Variants in ARHGAP10 observed in about 807,000 individuals in gnomAD.
The protein encoded by ARHGAP10 is rho GTPase-activating protein 10.
In ARHGAP10, 87 loss-of-function variants were observed where a neutral mutation model predicts 108.6. The observed-to-expected ratio is 0.80, with a 90% confidence interval of 0.67 to 0.96. The LOEUF (loss-of-function observed/expected upper bound fraction) is 0.96. ARHGAP10 is among the 40% of genes least tolerant of loss of function. The pLI is 0.00. For synonymous variants in ARHGAP10, 347 were observed against 341.1 expected, an observed-to-expected ratio of 1.02 and a Z score of -0.19; for missense variants, 939 against 954.5, an observed-to-expected ratio of 0.98 and a Z score of 0.21.
At chr4:148,059,864 A>G (rs1729527254) in intron 20 of ARHGAP10, among the ~76,000 whole-genome samples, 1 of 152,188 alleles carries the variant, frequency 6.6e-6, no homozygotes, top group Non-Finnish European at 1.5e-5. Context: ...CCTGAGTTCC[A>G]GTTCCTACAA....
chr4:147,977,097 G>C (rs78687125), intron 18 of ARHGAP10, among the ~76,000 whole-genome samples: 2,584 of 152,344 alleles, frequency 0.017, 51 homozygotes, highest in South Asian at 0.083. Flanking sequence ...GAGATGCGGA[G>C]CTGCAAAGAG....
At chr4:147,870,619 T>C (rs1161125865) in intron 7 of ARHGAP10, among the ~76,000 whole-genome samples, 2 of 151,350 alleles carry the variant, frequency 1.3e-5, no homozygotes, top group Non-Finnish European at 2.9e-5. Context: ...GAGTAATAAA[T>C]GGAAATCAAG....
At chr4:147,955,093 A>G (rs890016174) in intron 15 of ARHGAP10, among the ~76,000 whole-genome samples, 1 of 152,122 alleles carries the variant, frequency 6.6e-6, no homozygotes, top group Admixed American at 6.6e-5. Flanking sequence ...GCTTAGGTCT[A>G]GTAGGGATTT....
At chr4:148,032,456 G>T (rs1372898590) in intron 19 of ARHGAP10, among the ~76,000 whole-genome samples, 1 of 149,852 alleles carries the variant, frequency 6.7e-6, no homozygotes. Flanking sequence ...TCAGTTATTA[G>T]CAAGTCTGTA....
At chr4:147,850,430 A>C (rs1733824954) in intron 4 of ARHGAP10, among the ~76,000 whole-genome samples, 2 of 152,322 alleles carry the variant, frequency 1.3e-5, no homozygotes, top group Admixed American at 6.5e-5. Context: ...ATGAGCTGTA[A>C]CACTCACCAC....
rs17023761 is a variant in ARHGAP10, at chr4:147,757,902, C to T, written c.154+25447C>T. Among the ~76,000 whole-genome samples the T allele has an allele frequency of 9.6e-3, 1,461 of 152,216 alleles. 32 individuals are homozygous for T. Among genetic ancestry groups the T allele is most frequent in the African/African-American group, 0.033 (1,373 of 41,520 alleles). Reference sequence around the variant, plus strand: ...ACCTGTGATACAGAACAGGTGTGCCCGAGACTGCTACCTCACCAGGGCCAG... The same window carrying T: ...ACCTGTGATACAGAACAGGTGTGCCTGAGACTGCTACCTCACCAGGGCCAG... On this transcript the variant is annotated intron_variant, in intron 1 of 22. Coordinates refer to ENST00000336498, the MANE Select transcript of ARHGAP10 (RefSeq NM_024605.4).
At chr4:147,774,301 A>C (rs940647132) in intron 1 of ARHGAP10, among the ~76,000 whole-genome samples, 2 of 152,148 alleles carry the variant, frequency 1.3e-5, no homozygotes, top group African/African-American at 4.8e-5. Context: ...GCCAAAATCT[A>C]AGATTCCCCA....
chr4:147,830,400 C>A lies in ARHGAP10; in HGVS notation c.312+7443C>A, dbSNP rs142160326. On this transcript the variant is annotated intron_variant, in intron 3 of 22. Transcript: ENST00000336498. ...TCATCCTTTCATGCTCTCAAATCTC[C>A]TCCATAAGTTTTTGGACTTTTGACA... Among the ~76,000 whole-genome samples the A allele has an allele frequency of 3.3e-5, 5 of 152,224 alleles. No individual in the cohort carries two copies. The East Asian group carries it at 9.6e-4, about 29-fold the overall frequency.
chr4:147,779,762 A>G (rs1174360722), intron 1 of ARHGAP10, among the ~76,000 whole-genome samples: 5 of 152,204 alleles, frequency 3.3e-5, no homozygotes, highest in East Asian at 1.9e-4. Context: ...AGAAGGGTCT[A>G]TGAATGTACC....
chr4:147,828,749 C>G (rs945948936), intron 3 of ARHGAP10, among the ~76,000 whole-genome samples: 2 of 152,144 alleles, frequency 1.3e-5, no homozygotes, highest in African/African-American at 4.8e-5. Flanking sequence ...TTTGTTCCTA[C>G]TAAAGTGAAT....
intron 15 of ARHGAP10, among the ~76,000 whole-genome samples, chr4:147,954,818 A>T (rs965800432): frequency 6.6e-6 from 1 of 151,982 alleles, no homozygotes; most frequent in African/African-American, 2.4e-5. Context: ...ATTTTATTTC[A>T]TCTCTCATCT....
intron 13 of ARHGAP10, among the ~76,000 whole-genome samples, chr4:147,938,787 T>C (rs1738050423): frequency 6.6e-6 from 1 of 152,236 alleles, no homozygotes; most frequent in African/African-American, 2.4e-5. Context: ...TGTGTTCTTG[T>C]TACCTTTAAC....
intron 3 of ARHGAP10, among the ~76,000 whole-genome samples, chr4:147,831,416 T>G (rs935025790): frequency 6.6e-6 from 1 of 152,250 alleles, no homozygotes; most frequent in African/African-American, 2.4e-5. Flanking sequence ...AGGCATTAGA[T>G]GCCATTAAAA....
At chr4:147,737,457 A>G (rs530582452) in intron 1 of ARHGAP10, among the ~76,000 whole-genome samples, 1 of 151,580 alleles carries the variant, frequency 6.6e-6, no homozygotes, top group Non-Finnish European at 1.5e-5. Flanking sequence ...GCCTGGCCTT[A>G]ATGGCCTAAT....
chr4:147,748,017 A>C (rs918939622), intron 1 of ARHGAP10, among the ~76,000 whole-genome samples: 1 of 152,182 alleles, frequency 6.6e-6, no homozygotes, highest in Non-Finnish European at 1.5e-5. Context: ...TGCAGTGCAC[A>C]GGACAGCTCC....
intron 18 of ARHGAP10, among the ~76,000 whole-genome samples, chr4:147,990,914 G>A (rs1481372528): frequency 1.3e-5 from 2 of 152,046 alleles, no homozygotes; most frequent in Non-Finnish European, 2.9e-5. Context: ...TACTTGGGAG[G>A]CTGAGGTGGG....
At chr4:148,020,058 A>C (rs1451805572) in intron 18 of ARHGAP10, among the ~76,000 whole-genome samples, 1 of 152,222 alleles carries the variant, frequency 6.6e-6, no homozygotes, top group Non-Finnish European at 1.5e-5. Context: ...AAAATGCTCC[A>C]ATGAGCATTT....
At chr4:148,061,827 C>T (rs1578840008) in intron 20 of ARHGAP10, among the ~76,000 whole-genome samples, 2 of 152,174 alleles carry the variant, frequency 1.3e-5, no homozygotes, top group East Asian at 3.9e-4. Context: ...AGTTAAAGAT[C>T]TTCCTGTGGA....
At chr4:147,886,841 G>T (rs1735587673) in intron 10 of ARHGAP10, among the ~76,000 whole-genome samples, 1 of 152,144 alleles carries the variant, frequency 6.6e-6, no homozygotes, top group Admixed American at 6.5e-5. Context: ...CACCATCTCT[G>T]CTCACCGCAA....
Sources: allele counts gnomAD v4.1 joint callset (sites outside exome capture counted in the v4.1 genomes callset), GRCh38; gene constraint gnomAD v4.1.1; transcripts MANE v1.5; gene names NCBI Gene and HGNC (gene_info 2026-07-23, HGNC 2026-07-21).